DNAH12: variants seen among roughly 807,000 people sequenced by gnomAD.
The protein encoded by DNAH12 is dynein axonemal heavy chain 12.
Under a neutral mutation model 371.5 loss-of-function variants are expected in DNAH12, and 285 were observed. That is an observed-to-expected ratio of 0.77 (90% CI 0.70 to 0.85). The LOEUF is 0.85. Ranked by LOEUF, DNAH12 falls within the 40% of genes least tolerant of loss-of-function variation. The pLI, the probability that DNAH12 is intolerant of heterozygous loss-of-function variation, is 0.00. For synonymous variants in DNAH12, 1,200 were observed against 1,213.0 expected, an observed-to-expected ratio of 0.99 and a Z score of 0.22; for missense variants, 3,611 against 3,689.4, an observed-to-expected ratio of 0.98 and a Z score of 0.55.
chr3:57,428,368 T>C (rs761651875), intron 34 of DNAH12: 21 of 1,326,230 alleles, frequency 1.6e-5, no homozygotes, highest in Non-Finnish European at 2.0e-5. Context: ...TAGAGGCACA[T>C]ATTTAAAATA....
chr3:57,427,291 T>G (rs960260488), intron 34 of DNAH12, among the ~76,000 whole-genome samples: 1 of 151,924 alleles, frequency 6.6e-6, no homozygotes, highest in African/African-American at 2.4e-5. Context: ...GCAATTAAGT[T>G]AAAAATCTCA....
In DNAH12 at chr3:57,323,108, C is replaced by G. The variant is rs1186904147; in HGVS notation, c.10282G>C (p.Val3428Leu). ...WVCLQNCHLA[V>L]SWMPMLEKIC... ...TTTTCCAACATGGGCATCCAGGACACTGCAAGATGGCAATTCTGTAGGCAC... is the reference window on the plus strand; with the variant it reads ...TTTTCCAACATGGGCATCCAGGACAGTGCAAGATGGCAATTCTGTAGGCAC... Residue 3428 changes from valine (V) to leucine (L), a missense_variant, in exon 64 of 74, where the codon GTG (valine) becomes CTG (leucine). Around this residue, in one of 3 missense-constraint regions of DNAH12, gnomAD observed 2,266 missense variants for 2,236.9 expected, o/e 1.01. Transcript: ENST00000495027. 7.7e-6 allele frequency: 12 copies of G among 1,552,316 alleles called. No homozygotes were observed. Among genetic ancestry groups the G allele is most frequent in the Non-Finnish European group, 1.0e-5 (12 of 1,147,160 alleles).
At chr3:57,507,876 G>T in intron 7 of DNAH12, 38 bp from the exon 8 acceptor site, 1 of 1,516,468 alleles carries the variant, frequency 6.6e-7, no homozygotes, top group African/African-American at 1.4e-5. Flanking sequence ...TGAAGCAAAT[G>T]ATACATATTG....
In DNAH12 at chr3:57,438,603, A is replaced by G. The variant is rs182892636; in HGVS notation, c.4546-1543T>C. Among the ~76,000 whole-genome samples, 313 of 152,262 alleles carry G rather than the reference A, an allele frequency of 2.1e-3. 2 individuals are homozygous for G. Among genetic ancestry groups the G allele is most frequent in the South Asian group, 0.019 (90 of 4,824 alleles). On this transcript the variant is annotated intron_variant, in intron 29 of 73. Coordinates refer to ENST00000495027, the MANE Select transcript of DNAH12 (RefSeq NM_001366028.2). The stretch of plus-strand genomic sequence containing the variant: ...AAAGTTTCAGGAACAAAATCAATGT[A>G]CAAAAATCAGTAGCATTTCCACACA...
chr3:57,370,366 CACA>C (rs1451250442), intron 55 of DNAH12, among the ~76,000 whole-genome samples: 1 of 152,152 alleles, frequency 6.6e-6, no homozygotes, highest in Non-Finnish European at 1.5e-5. Flanking sequence ...AGTGCTTTCT[CACA>C]ACATTTCTAT....
chr3:57,460,329 T>C (rs1486578059), intron 19 of DNAH12, among the ~76,000 whole-genome samples: 1 of 152,036 alleles, frequency 6.6e-6, no homozygotes, highest in Non-Finnish European at 1.5e-5. Flanking sequence ...ATCAACACAA[T>C]TTGGAGAAAA....
chr3:57,362,502 A>AT (rs1430843905), intron 58 of DNAH12, among the ~76,000 whole-genome samples: 3 of 152,158 alleles, frequency 2.0e-5, no homozygotes, highest in Non-Finnish European at 4.4e-5. Context: ...AAGTGTTGCT[A>AT]TTTCTCCACA....
chr3:57,302,559 A>ATTTTTTTTTTT (rs1436244232), intron 69 of DNAH12, among the ~76,000 whole-genome samples: 1 of 61,376 alleles, frequency 1.6e-5, no homozygotes, highest in Non-Finnish European at 3.1e-5. Flanking sequence ...ATATATATAT[A>ATTTTTTTTTTT]TATATGTATT....
rs2061380589 is a variant in DNAH12 at position 57,302,565 on chromosome 3, GTATT to G, written c.11190-630_11190-627del. ...TATATATATATATATATATATATATGTATTTTTTTTTTTTTTTTTTTTTTTTTTG... is the reference window on the plus strand; with the variant it reads ...TATATATATATATATATATATATATGTTTTTTTTTTTTTTTTTTTTTTTTG... On this transcript the variant is annotated intron_variant, in intron 69 of 73. Transcript: ENST00000495027. Among the ~76,000 whole-genome samples, 7 of 28,858 alleles carry G rather than the reference GTATT, an allele frequency of 2.4e-4. 1 individual carries two copies. The highest frequency in any genetic ancestry group is 9.1e-4 in the African/African-American group (7 of 7,710). 18.9% of individuals were successfully genotyped at this position (28,858 alleles called of 152,430 possible). A position where few individuals can be genotyped will look rare whatever the true frequency, so the allele number is the denominator to read the frequency against.
chr3:57,523,829 A>C lies in DNAH12; in HGVS notation c.226T>G (p.Leu76Val). 1 of 1,607,902 alleles carries C rather than the reference A, an allele frequency of 6.2e-7. No individual in the cohort carries two copies. The highest frequency in any genetic ancestry group is 8.5e-7 in the Non-Finnish European group (1 of 1,178,008). ...DRTLGKRTPL[L>V]PPPDYPQTMT... Reference sequence around the variant, plus strand: ...GTTTGAGGATAATCAGGTGGTGGTAATAGAGGTGTTCTTTTACCCAGTGTT... The same window carrying C: ...GTTTGAGGATAATCAGGTGGTGGTACTAGAGGTGTTCTTTTACCCAGTGTT... Residue 76 changes from leucine (L) to valine (V), a missense_variant, in exon 3 of 74, where the codon TTA becomes GTA. Transcript: ENST00000495027.
chr3:57,416,778 GTGAA>G lies in DNAH12; in HGVS notation c.5715-1218_5715-1215del, dbSNP rs1304496154. On this transcript the variant is annotated intron_variant, in intron 37 of 73. Coordinates refer to ENST00000495027, the MANE Select transcript of DNAH12 (RefSeq NM_001366028.2). ...CAAACTCTAAGGAATTCCCCATTCA[GTGAA>G]TGGGGAATTCAAGCAAGGTTTCCCA... Among the ~76,000 whole-genome samples the G allele has an allele frequency of 5.3e-5, 8 of 152,198 alleles. No individual in the cohort carries two copies. In the East Asian group the frequency reaches 1.5e-3, roughly 29 times the overall value.
At chr3:57,436,387 C>G (rs1296406850) in intron 30 of DNAH12, among the ~76,000 whole-genome samples, 1 of 152,176 alleles carries the variant, frequency 6.6e-6, no homozygotes, top group South Asian at 2.1e-4. Context: ...CAATCCATCT[C>G]TAGAACTGGG....
At chr3:57,497,938 T>C (rs886898788) in intron 11 of DNAH12, 2 of 152,152 alleles carry the variant, frequency 1.3e-5, no homozygotes, top group African/African-American at 4.8e-5. Context: ...TAACATTGAT[T>C]ATAACAATAT....
chr3:57,501,209 A>G (rs903989589), intron 11 of DNAH12, 112 bp downstream of exon 11: 5 of 773,024 alleles, frequency 6.5e-6, no homozygotes, highest in Non-Finnish European at 1.0e-5. Context: ...GTTTTACTGA[A>G]ATGATATTTT....
chr3:57,458,681 A>G (rs1437214499), intron 20 of DNAH12, among the ~76,000 whole-genome samples: 1 of 152,236 alleles, frequency 6.6e-6, no homozygotes, highest in Admixed American at 6.5e-5. Context: ...AAAAATCAAA[A>G]GAAGAATATT....
chr3:57,512,398 T>A (rs901511677), intron 4 of DNAH12: 1 of 152,190 alleles, frequency 6.6e-6, no homozygotes, highest in African/African-American at 2.4e-5. Flanking sequence ...GTTTTGAAGA[T>A]GAAAATGTTC....
intron 62 of DNAH12, among the ~76,000 whole-genome samples, chr3:57,326,189 G>A (rs971647344): frequency 6.6e-6 from 1 of 151,520 alleles, no homozygotes. Flanking sequence ...CCAACATTCA[G>A]ATTCAGGAAA....
intron 11 of DNAH12, among the ~76,000 whole-genome samples, chr3:57,492,894 A>T (rs1228001782): frequency 5.9e-5 from 9 of 152,040 alleles, no homozygotes; most frequent in Non-Finnish European, 1.3e-4. Flanking sequence ...AGTCTCAGCT[A>T]CTCAGGAGGC....
Position 57,323,524 on chromosome 3 carries a change from T to G in DNAH12, c.10074A>C (p.Ser3358=), listed in dbSNP as rs763985434. The change falls in exon 63 of 74, where the codon TCA becomes TCC. Residue 3358 remains serine, a synonymous_variant. Coordinates refer to ENST00000495027, the MANE Select transcript of DNAH12 (RefSeq NM_001366028.2). ...PFDLTKSYLD[S]NCTIPLIFVL... Reference sequence around the variant, plus strand: ...CAAAAATTAAGGGAATGGTGCAATTTGAATCCAAGTAACTCTTTGTCAAAT... The same window carrying G: ...CAAAAATTAAGGGAATGGTGCAATTGGAATCCAAGTAACTCTTTGTCAAAT... 6.4e-7 allele frequency: 1 copy of G among 1,551,118 alleles called. No individual in the cohort carries two copies. Among genetic ancestry groups the G allele is most frequent in the South Asian group, 1.2e-5 (1 of 83,816 alleles).
Sources: allele counts gnomAD v4.1 joint callset (sites outside exome capture counted in the v4.1 genomes callset), GRCh38; gene constraint gnomAD v4.1.1; regional missense constraint gnomAD v4.1.1; transcripts MANE v1.5; gene names NCBI Gene and HGNC (gene_info 2026-07-23, HGNC 2026-07-21).